Variants in CDH13 observed in about 807,000 individuals in gnomAD.
CDH13 encodes the protein cadherin 13, also known as cadherin-13.
A neutral mutation model predicts 63.8 loss-of-function variants in CDH13; 24 were observed. That is an observed-to-expected ratio of 0.38 (90% CI 0.27 to 0.53). CDH13 has a LOEUF of 0.53. CDH13 is among the 20% of genes least tolerant of loss of function. CDH13 has a pLI of 0.85. For missense variants in CDH13, 1,049 were observed against 903.1 expected (o/e 1.16, Z -2.07); for synonymous variants, 503 against 355.3 (o/e 1.42, Z -4.67).
chr16:83,685,415 A>T (rs527573605), intron 10 of CDH13, among the ~76,000 whole-genome samples: 1 of 152,206 alleles, frequency 6.6e-6, no homozygotes, highest in Admixed American at 6.5e-5. Flanking sequence ...TGCATAATCA[A>T]AATAATAGAT....
At chr16:82,717,433 CT>C (rs1480268111) in intron 1 of CDH13, among the ~76,000 whole-genome samples, 7 of 65,260 alleles carry the variant, frequency 1.1e-4, no homozygotes, top group Admixed American at 6.8e-4. Context: ...GAGACTTTGC[CT>C]AAAAAAAAAA....
intron 4 of CDH13, among the ~76,000 whole-genome samples, chr16:83,207,600 G>A (rs983153808): frequency 9.2e-5 from 14 of 152,014 alleles, no homozygotes; most frequent in East Asian, 3.9e-4. Context: ...TATTCTTTCC[G>A]TGTGTCTATG....
chr16:83,057,965 A>AT (rs2031120175), intron 3 of CDH13, among the ~76,000 whole-genome samples: 1 of 152,198 alleles, frequency 6.6e-6, no homozygotes, highest in Non-Finnish European at 1.5e-5. Flanking sequence ...TACAAATGAT[A>AT]TTTTTTAAAA....
intron 2 of CDH13, among the ~76,000 whole-genome samples, chr16:82,867,636 A>T (rs2040195264): frequency 6.6e-6 from 1 of 152,216 alleles, no homozygotes; most frequent in Admixed American, 6.5e-5. Flanking sequence ...TACATGAGTC[A>T]TGGCTTTTGA....
chr16:83,458,683 CCACCCAGCAA>C (rs558434204), intron 6 of CDH13, among the ~76,000 whole-genome samples: 465 of 152,316 alleles, frequency 3.1e-3, no homozygotes, highest in African/African-American at 0.011. Context: ...CAAACCCAGG[CCACCCAGCAA>C]CAATCTTCTT....
At chr16:83,652,015 C>T (rs1253768807) in intron 8 of CDH13, among the ~76,000 whole-genome samples, 1 of 152,180 alleles carries the variant, frequency 6.6e-6, no homozygotes, top group Non-Finnish European at 1.5e-5. Flanking sequence ...CTTTTTAATC[C>T]TCCTTATCTC....
At chr16:82,701,148 T>G (rs2030976497) in intron 1 of CDH13, among the ~76,000 whole-genome samples, 2 of 152,100 alleles carry the variant, frequency 1.3e-5, no homozygotes, top group Admixed American at 1.3e-4. Context: ...GAGTAATTTT[T>G]TATTTCTTTC....
intron 2 of CDH13, among the ~76,000 whole-genome samples, chr16:82,955,807 T>C (rs1905999609): frequency 6.6e-6 from 1 of 152,216 alleles, no homozygotes; most frequent in Non-Finnish European, 1.5e-5. Flanking sequence ...CAAGCTCTGC[T>C]CTAAAATGTC....
At chr16:83,383,141 G>A (rs548726954) in intron 6 of CDH13, 3 of 152,314 alleles carry the variant, frequency 2.0e-5, no homozygotes, top group South Asian at 4.1e-4. Flanking sequence ...ACATTCTGCA[G>A]TGTGATGCTC....
chr16:82,907,532 T>C (rs935474868), intron 2 of CDH13, among the ~76,000 whole-genome samples: 3 of 152,240 alleles, frequency 2.0e-5, no homozygotes, highest in African/African-American at 7.2e-5. Context: ...TGGTCAGTTA[T>C]ATATTTTTCT....
intron 5 of CDH13, among the ~76,000 whole-genome samples, chr16:83,309,528 C>T (rs541133645): frequency 2.2e-4 from 34 of 152,338 alleles, no homozygotes; most frequent in Admixed American, 8.5e-4. Flanking sequence ...AGGCGAGTGC[C>T]GCCACGCCCA....
rs546909549 is a variant in CDH13, at chr16:82,659,094, G to T, written c.45+31957G>T. ...CAGGTAATATGCTTCCCATTATACA[G>T]AAAGTAATGCCAGAAGAAAACAGTG... On this transcript the variant is annotated intron_variant, in intron 1 of 13. Transcript: ENST00000567109. Among the ~76,000 whole-genome samples the T allele has an allele frequency of 3.9e-5, 6 of 152,272 alleles. No homozygotes were observed. In the South Asian group the frequency reaches 1.2e-3, roughly 32 times the overall value.
intron 6 of CDH13, among the ~76,000 whole-genome samples, chr16:83,409,834 G>C (rs2092101213): frequency 6.6e-6 from 1 of 152,182 alleles, no homozygotes; most frequent in Non-Finnish European, 1.5e-5. Flanking sequence ...GTAAGTCTGG[G>C]TTATTTAACT....
At chr16:83,193,174 G>T (rs1283884676) in intron 4 of CDH13, among the ~76,000 whole-genome samples, 2 of 151,814 alleles carry the variant, frequency 1.3e-5, no homozygotes, top group African/African-American at 4.8e-5. Context: ...AAAGATCAGG[G>T]TATTAGCCGT....
chr16:83,102,647 C>A (rs939892228), intron 3 of CDH13, among the ~76,000 whole-genome samples: 1 of 152,082 alleles, frequency 6.6e-6, no homozygotes, highest in Non-Finnish European at 1.5e-5. Flanking sequence ...TCTGGCCACC[C>A]TGGGGGAGGG....
chr16:82,746,888 C>T (rs377223304), intron 1 of CDH13, among the ~76,000 whole-genome samples: 129 of 152,250 alleles, frequency 8.5e-4, no homozygotes, highest in African/African-American at 2.8e-3. Flanking sequence ...AATATTAAAA[C>T]AATTGTTAAG....
intron 2 of CDH13, among the ~76,000 whole-genome samples, chr16:82,862,782 T>C (rs1480007679): frequency 2.6e-5 from 4 of 152,228 alleles, no homozygotes; most frequent in Non-Finnish European, 5.9e-5. Context: ...AGTTTATTTC[T>C]CACTCAGATC....
rs147861960 is a variant in CDH13, at chr16:83,626,874, C to T, written c.1101+24280C>T. On this transcript the variant is annotated intron_variant, in intron 8 of 13. Coordinates refer to ENST00000567109, the MANE Select transcript of CDH13 (RefSeq NM_001257.5). ...GCCTCGGAATGGTCCTCCGTGATGC[C>T]GCTGCGCCTGTGCTGTCTGGACCAC... is the stretch of plus-strand genomic sequence containing the variant. Among the ~76,000 whole-genome samples, 46 of 152,228 alleles carry T rather than the reference C, an allele frequency of 3.0e-4. No individual in the cohort carries two copies. The East Asian group carries it at 5.4e-3, about 18-fold the overall frequency.
At chr16:82,784,487 G>C (rs2035910592) in intron 1 of CDH13, among the ~76,000 whole-genome samples, 1 of 152,164 alleles carries the variant, frequency 6.6e-6, no homozygotes, top group Admixed American at 6.5e-5. Flanking sequence ...GTTTATCCTT[G>C]TCATTTATTG....
Sources: gnomAD v4.1 joint callset for allele counts (sites outside exome capture counted in the v4.1 genomes callset) on GRCh38, gnomAD v4.1.1 for gene constraint, MANE v1.5 for transcripts, NCBI Gene and HGNC (gene_info 2026-07-23, HGNC 2026-07-21) for gene names.